Variants in CDC42BPA observed in about 807,000 individuals in gnomAD.
CDC42BPA encodes the protein CDC42 binding protein kinase alpha.
CDC42BPA carries 80 observed loss-of-function variants against 223.5 expected under a neutral mutation model. The observed-to-expected ratio is 0.36, with a 90% CI of 0.30 to 0.43. The LOEUF (loss-of-function observed/expected upper bound fraction) is 0.43, where lower values mean the gene tolerates loss of function less well. Among genes scored for constraint, CDC42BPA ranks in the 20% least tolerant of loss-of-function variants. The probability of loss-of-function intolerance (pLI) is 1.00; values close to 1 mark genes in which losing one functional copy is unlikely to be tolerated. For synonymous variants in CDC42BPA, 694 were observed against 718.6 expected (o/e 0.97, Z 0.55); for missense variants, 1,743 against 2,099.9 (o/e 0.83, Z 3.32).
chr1:227,227,264 C>A (rs939231422), intron 2 of CDC42BPA, among the ~76,000 whole-genome samples: 5 of 151,994 alleles, frequency 3.3e-5, no homozygotes, highest in Non-Finnish European at 1.5e-5. Context: ...CTAAAAAAAT[C>A]TAGTAAGGAA....
Position 227,213,129 on chromosome 1 carries a change from C to G in CDC42BPA, c.354+7G>C. 1 of 1,385,796 alleles carries G rather than the reference C, an allele frequency of 7.2e-7. No individual in the cohort carries two copies. Among genetic ancestry groups the G allele is most frequent in the Non-Finnish European group, 1.0e-6 (1 of 986,924 alleles). The allele number at this position is 1,385,796 out of a possible 1,614,324, so 85.8% of individuals were successfully genotyped here. On this transcript the variant is annotated splice_region_variant and intron_variant, in intron 3 of 36. Transcript: ENST00000366766. ...TATTTATATATTCCAATACATAAGA[C>G]TCTTACCTCAGCTCTTTTCAGCATT...
chr1:227,073,782 G>A, intron 19 of CDC42BPA, 82 bp downstream of exon 19: 1 of 1,136,344 alleles, frequency 8.8e-7, no homozygotes, highest in Non-Finnish European at 1.2e-6. Context: ...GCAAGCAATG[G>A]AAACTAAACA....
intron 10 of CDC42BPA, among the ~76,000 whole-genome samples, chr1:227,129,714 T>TATATATACAC (rs140091366): frequency 3.8e-5 from 4 of 105,814 alleles, no homozygotes; most frequent in Non-Finnish European, 5.7e-5. Context: ...TATATATATA[T>TATATATACAC]ACAAAAGAAT....
chr1:227,270,731 C>T (rs1351455068), intron 1 of CDC42BPA, among the ~76,000 whole-genome samples: 1 of 152,102 alleles, frequency 6.6e-6, no homozygotes, highest in Non-Finnish European at 1.5e-5. Context: ...GCAATAATTC[C>T]CCATCCCCTC....
chr1:227,267,244 A>G (rs1439063280), intron 1 of CDC42BPA, among the ~76,000 whole-genome samples: 1 of 152,212 alleles, frequency 6.6e-6, no homozygotes, highest in Non-Finnish European at 1.5e-5. Context: ...TCCCTACTAT[A>G]TCCAATTTAG....
intron 14 of CDC42BPA, among the ~76,000 whole-genome samples, chr1:227,111,056 A>G (rs1686822980): frequency 1.3e-5 from 2 of 152,230 alleles, no homozygotes. Context: ...AGTTGGAAAT[A>G]TACAGATTTG....
chr1:227,279,809 C>A (rs749671182), intron 1 of CDC42BPA, among the ~76,000 whole-genome samples: 3 of 152,126 alleles, frequency 2.0e-5, no homozygotes, highest in African/African-American at 7.2e-5. Flanking sequence ...GTAATCCCAG[C>A]ACTTTGGGAA....
chr1:227,277,077 C>CAAAAAAAAA (rs1687218085), intron 1 of CDC42BPA, among the ~76,000 whole-genome samples: 1 of 93,148 alleles, frequency 1.1e-5, no homozygotes, highest in Non-Finnish European at 2.2e-5. Flanking sequence ...TCAATAAATA[C>CAAAAAAAAA]TAAAAAAAAA....
At chr1:227,268,399 ATAATT>A (rs1206188991) in intron 1 of CDC42BPA, among the ~76,000 whole-genome samples, 1 of 151,914 alleles carries the variant, frequency 6.6e-6, no homozygotes. Context: ...TATTTTTACT[ATAATT>A]TATTAGTTTT....
At chr1:227,020,408 G>A (rs1386529662) in intron 32 of CDC42BPA, among the ~76,000 whole-genome samples, 1 of 152,216 alleles carries the variant, frequency 6.6e-6, no homozygotes, top group African/African-American at 2.4e-5. Context: ...ATTGTTCAGT[G>A]TAGCCACCTT....
chr1:227,156,692 G>A (rs1452987924), intron 6 of CDC42BPA, among the ~76,000 whole-genome samples: 2 of 152,102 alleles, frequency 1.3e-5, no homozygotes, highest in African/African-American at 4.8e-5. Context: ...TATTACTCAT[G>A]CATTCTGGAA....
At chr1:227,237,390 T>C (rs1270796514) in intron 2 of CDC42BPA, among the ~76,000 whole-genome samples, 1 of 152,226 alleles carries the variant, frequency 6.6e-6, no homozygotes, top group Non-Finnish European at 1.5e-5. Context: ...TTATTGTTAC[T>C]GTATAAAAAT....
At chr1:227,011,703 A>T (rs2183836) in intron 34 of CDC42BPA, among the ~76,000 whole-genome samples, 60,747 of 151,876 alleles carry the variant, frequency 0.4, 12,711 homozygotes, top group Non-Finnish European at 0.48. Flanking sequence ...TATATTTTTT[A>T]AAAATGAAAT....
chr1:226,994,436 G>C lies in CDC42BPA; in HGVS notation c.5134-37C>G. 6.8e-7 allele frequency: 1 copy of C among 1,463,634 alleles called. No individual in the cohort carries two copies. Among genetic ancestry groups the C allele is most frequent in the Admixed American group, 2.6e-5 (1 of 38,784 alleles). 90.7% of individuals were successfully genotyped at this position (1,463,634 alleles called of 1,614,324 possible). On this transcript the variant is annotated intron_variant, in intron 36 of 36. Transcript: ENST00000366766. The surrounding 1 kb of genome is among the most constrained non-coding windows in gnomAD (Gnocchi z 4.0). ...AAAGTAAAACATTAATGAGAAGGAGGGGGAGAAAGGGAGGCAGAAGGGGCT... is the reference window on the plus strand; with the variant it reads ...AAAGTAAAACATTAATGAGAAGGAGCGGGAGAAAGGGAGGCAGAAGGGGCT...
chr1:227,244,795 A>C (rs1328964101), intron 2 of CDC42BPA, among the ~76,000 whole-genome samples: 2 of 152,264 alleles, frequency 1.3e-5, no homozygotes, highest in Non-Finnish European at 2.9e-5. Flanking sequence ...CAGGAGAGAC[A>C]GTCTTGAATC....
In CDC42BPA at chr1:227,318,008, G is replaced by A. The variant is rs1694670580; in HGVS notation, c.-826C>T. 2.6e-6 allele frequency: 1 copy of A among 382,892 alleles called. No individual in the cohort carries two copies. The highest frequency in any genetic ancestry group is 1.4e-4 in the South Asian group (1 of 7,302). 23.7% of individuals were successfully genotyped at this position (382,892 alleles called of 1,614,324 possible). Reference sequence around the variant, plus strand: ...CGGGCGGCACTGGCACCGGGCTCCGGAGAAGCGGCTACTTGGCCGCCCGAG... The same window carrying A: ...CGGGCGGCACTGGCACCGGGCTCCGAAGAAGCGGCTACTTGGCCGCCCGAG... On this transcript the variant is annotated 5_prime_UTR_variant, in exon 1 of 37. Coordinates refer to ENST00000366766, the MANE Select transcript of CDC42BPA (RefSeq NM_001394014.1).
intron 5 of CDC42BPA, 32 bp downstream of exon 5, chr1:227,193,754 T>A: frequency 6.5e-7 from 1 of 1,533,426 alleles, no homozygotes; most frequent in Non-Finnish European, 8.8e-7. Flanking sequence ...ACATGGTAAC[T>A]CACAGCCAGG....
At chr1:227,192,726 T>C (rs948697042) in intron 5 of CDC42BPA, among the ~76,000 whole-genome samples, 4 of 152,224 alleles carry the variant, frequency 2.6e-5, no homozygotes, top group African/African-American at 9.6e-5. Context: ...TCCAAATTCA[T>C]GCTGGTATTT....
chr1:227,122,689 T>C (rs1688860647), intron 11 of CDC42BPA, among the ~76,000 whole-genome samples: 1 of 152,174 alleles, frequency 6.6e-6, no homozygotes. Flanking sequence ...TTAAGAAGTG[T>C]TGGAAAAGAT....
Sources: gnomAD v4.1 joint callset for allele counts (sites outside exome capture counted in the v4.1 genomes callset) on GRCh38, gnomAD v4.1.1 for gene constraint, Gnocchi (gnomAD v3.1) non-coding constraint, MANE v1.5 for transcripts, NCBI Gene and HGNC (gene_info 2026-07-23, HGNC 2026-07-21) for gene names.